Variants in SSR1 observed in about 807,000 individuals in gnomAD.
The protein encoded by SSR1 is translocon-associated protein subunit alpha.
In SSR1, 13 loss-of-function variants were observed where a neutral mutation model predicts 36.1. That is an observed-to-expected ratio of 0.36 (90% CI 0.23 to 0.57). SSR1 has a LOEUF of 0.57. SSR1 is among the 20% of genes least tolerant of loss of function. The pLI is 0.81. For synonymous variants in SSR1, 113 were observed against 118.9 expected (o/e 0.95, Z 0.32); for missense variants, 291 against 338.5 (o/e 0.86, Z 1.10).
chr6:7,284,008 T>A lies in SSR1; in HGVS notation c.*5856A>T, dbSNP rs927149557. 2 of 152,238 alleles carry A rather than the reference T, an allele frequency of 1.3e-5. No homozygotes were observed. Among genetic ancestry groups the A allele is most frequent in the African/African-American group, 4.8e-5 (2 of 41,468 alleles). The allele number at this position is 152,238 out of a possible 1,614,324, so 9.4% of individuals were successfully genotyped here. A position where few individuals can be genotyped will look rare whatever the true frequency, so the allele number is the denominator to read the frequency against. The stretch of plus-strand genomic sequence containing the variant: ...AGGGCAGAGCAGATGCTTGATGTTC[T>A]CCATCTGAACACTACTCTTGACCAC... On this transcript the variant is annotated 3_prime_UTR_variant, in exon 8 of 8. Coordinates refer to ENST00000244763, the MANE Select transcript of SSR1 (RefSeq NM_003144.5).
In SSR1 at chr6:7,287,049, G is replaced by C. The variant is rs1407955077; in HGVS notation, c.*2815C>G. The C allele has an allele frequency of 6.6e-6, 1 of 152,010 alleles. No homozygotes were observed. Among genetic ancestry groups the C allele is most frequent in the Non-Finnish European group, 1.5e-5 (1 of 68,008 alleles). 9.4% of individuals were successfully genotyped at this position (152,010 alleles called of 1,614,324 possible). A position where few individuals can be genotyped will look rare whatever the true frequency, so the allele number is the denominator to read the frequency against. On this transcript the variant is annotated 3_prime_UTR_variant, in exon 8 of 8. Transcript: ENST00000244763. ...GGCAAGAGATGGTATGTGTCACTGA[G>C]TTTTAAAAAATTATTTCAGTATTCA...
At chr6:7,301,192 G>C in intron 4 of SSR1, 118 bp downstream of exon 4, 1 of 1,234,338 alleles carries the variant, frequency 8.1e-7, no homozygotes, top group Non-Finnish European at 1.1e-6. Context: ...TTCCCTGGTG[G>C]CTATCACAGG....
Position 7,287,058 on chromosome 6 carries a change from A to C in SSR1, c.*2806T>G, listed in dbSNP as rs1274570967. 1.3e-5 allele frequency: 2 copies of C among 152,218 alleles called. No homozygotes were observed. Among genetic ancestry groups the C allele is most frequent in the African/African-American group, 4.8e-5 (2 of 41,446 alleles). The allele number at this position is 152,218 out of a possible 1,614,324, so 9.4% of individuals were successfully genotyped here. A position where few individuals can be genotyped will look rare whatever the true frequency, so the allele number is the denominator to read the frequency against. On this transcript the variant is annotated 3_prime_UTR_variant, in exon 8 of 8. Transcript: ENST00000244763. ...TGGTATGTGTCACTGAGTTTTAAAA[A>C]ATTATTTCAGTATTCAAATGCACAA...
intron 7 of SSR1, among the ~76,000 whole-genome samples, chr6:7,291,986 T>C (rs540548451): frequency 5.3e-5 from 8 of 152,284 alleles, no homozygotes; most frequent in South Asian, 2.1e-4. Flanking sequence ...GGTGGGCGGA[T>C]TGAGCCCAGG....
chr6:7,297,893 C>G, intron 6 of SSR1, 30 bp downstream of exon 6: 1 of 1,579,896 alleles, frequency 6.3e-7, no homozygotes, highest in Non-Finnish European at 8.7e-7. Flanking sequence ...TTTTGAAACA[C>G]GGCTGTAAGA....
At chr6:7,307,590 G>T (rs1409436493) in intron 2 of SSR1, among the ~76,000 whole-genome samples, 1 of 152,306 alleles carries the variant, frequency 6.6e-6, no homozygotes, top group South Asian at 2.1e-4. Flanking sequence ...CACCCAGGCT[G>T]GAGTGCAGTG....
intron 2 of SSR1, among the ~76,000 whole-genome samples, chr6:7,306,448 AT>A (rs1209972180): frequency 2.0e-5 from 3 of 151,950 alleles, no homozygotes; most frequent in Non-Finnish European, 2.9e-5. Flanking sequence ...TGGCTAAATA[AT>A]TTTTTTTAAG....
chr6:7,296,331 G>T (rs1757793493), intron 6 of SSR1, among the ~76,000 whole-genome samples: 1 of 152,112 alleles, frequency 6.6e-6, no homozygotes, highest in Non-Finnish European at 1.5e-5. Context: ...TTAAATAGAA[G>T]AAAAATGGAG....
At chr6:7,298,430 T>C (rs1267490392) in intron 5 of SSR1, among the ~76,000 whole-genome samples, 2 of 152,234 alleles carry the variant, frequency 1.3e-5, no homozygotes, top group Non-Finnish European at 2.9e-5. Context: ...TTTTCAATAG[T>C]AATTTCAGAG....
At chr6:7,302,570 T>C (rs1399941266) in intron 3 of SSR1, among the ~76,000 whole-genome samples, 1 of 152,128 alleles carries the variant, frequency 6.6e-6, no homozygotes, top group Non-Finnish European at 1.5e-5. Flanking sequence ...GAGACCATCC[T>C]GGCCAACATG....
chr6:7,297,804 A>G lies in SSR1; in HGVS notation c.699+119T>C, dbSNP rs1243727135. ...TTCAGGTTTTATTTTAAAAAGGTAC[A>G]ACAAAGTTCTACGTATACAAACCCA... is the stretch of plus-strand genomic sequence containing the variant. On this transcript the variant is annotated intron_variant, in intron 6 of 7. Coordinates refer to ENST00000244763, the MANE Select transcript of SSR1 (RefSeq NM_003144.5). 5 of 658,044 alleles carry G rather than the reference A, an allele frequency of 7.6e-6. No homozygotes were observed. The African/African-American group carries it at 9.2e-5, about 12-fold the overall frequency. 40.8% of individuals were successfully genotyped at this position (658,044 alleles called of 1,614,324 possible).
chr6:7,313,175 G>A lies in SSR1; in HGVS notation c.-55C>T. 1 of 1,498,002 alleles carries A rather than the reference G, an allele frequency of 6.7e-7. No individual in the cohort carries two copies. The highest frequency in any genetic ancestry group is 9.0e-7 in the Non-Finnish European group (1 of 1,105,278). 92.8% of individuals were successfully genotyped at this position (1,498,002 alleles called of 1,614,324 possible). Reference sequence around the variant, plus strand: ...TCGGCTAAGGCTCTCGGCGGCTCCGGCGGTAATGGCGTTACTCTTCATCCG... The same window carrying A: ...TCGGCTAAGGCTCTCGGCGGCTCCGACGGTAATGGCGTTACTCTTCATCCG... On this transcript the variant is annotated 5_prime_UTR_variant, in exon 1 of 8. Transcript: ENST00000244763.
At chr6:7,291,273 C>T (rs1396019729) in intron 7 of SSR1, among the ~76,000 whole-genome samples, 1 of 152,012 alleles carries the variant, frequency 6.6e-6, no homozygotes, top group Non-Finnish European at 1.5e-5. Flanking sequence ...CAGTACACGC[C>T]TGTGATCTCA....
rs1206109145 is a variant in SSR1, at chr6:7,284,096, T to G, written c.*5768A>C. 3 of 152,242 alleles carry G rather than the reference T, an allele frequency of 2.0e-5. No individual in the cohort carries two copies. Among genetic ancestry groups the G allele is most frequent in the Non-Finnish European group, 4.4e-5 (3 of 68,042 alleles). The allele number at this position is 152,242 out of a possible 1,614,324, so 9.4% of individuals were successfully genotyped here. A position where few individuals can be genotyped will look rare whatever the true frequency, so the allele number is the denominator to read the frequency against. On this transcript the variant is annotated 3_prime_UTR_variant, in exon 8 of 8. Transcript: ENST00000244763. ...CTTAAGCGCCTATTTCTATAAATGT[T>G]GGGTGATCAGACCAATATGGTTTCT...
chr6:7,289,245 CAG>C lies in SSR1; in HGVS notation c.*617_*618del, dbSNP rs767192287. The C allele has an allele frequency of 6.6e-6, 1 of 152,174 alleles. No homozygotes were observed. The highest frequency in any genetic ancestry group is 2.1e-4 in the South Asian group (1 of 4,832). 9.4% of individuals were successfully genotyped at this position (152,174 alleles called of 1,614,324 possible). ...AATTTCATGTTTCACAATTTGTTGCCAGAGAGATCCCCAAATTCCTTGAAGCC... is the reference window on the plus strand; with the variant it reads ...AATTTCATGTTTCACAATTTGTTGCCAGAGATCCCCAAATTCCTTGAAGCC... On this transcript the variant is annotated 3_prime_UTR_variant, in exon 8 of 8. Coordinates refer to ENST00000244763, the MANE Select transcript of SSR1 (RefSeq NM_003144.5).
At chr6:7,312,915 G>A (rs1485385544) in intron 1 of SSR1, 127 bp downstream of exon 1, 5 of 926,712 alleles carry the variant, frequency 5.4e-6, no homozygotes, top group Non-Finnish European at 1.7e-6. Flanking sequence ...TGGGGAGAGG[G>A]CGGAGAGAGG....
intron 2 of SSR1, among the ~76,000 whole-genome samples, chr6:7,303,849 T>C (rs1757992142): frequency 2.0e-5 from 3 of 152,068 alleles, no homozygotes; most frequent in Non-Finnish European, 2.9e-5. Flanking sequence ...TAGCCAGGTG[T>C]GGTGGCACAT....
intron 3 of SSR1, among the ~76,000 whole-genome samples, chr6:7,302,655 A>G (rs1456531861): frequency 3.9e-5 from 6 of 151,972 alleles, no homozygotes; most frequent in Non-Finnish European, 8.8e-5. Context: ...TTGGCTACTC[A>G]GGAGGCTGAG....
intron 1 of SSR1, 150 bp from the exon 2 acceptor site, chr6:7,310,179 A>G (rs1045908931): frequency 5.0e-6 from 3 of 600,010 alleles, no homozygotes; most frequent in Non-Finnish European, 8.8e-6. Context: ...GCACCGAAGA[A>G]TATTTATATT....
Sources: gnomAD v4.1 joint callset for allele counts (sites outside exome capture counted in the v4.1 genomes callset) on GRCh38, gnomAD v4.1.1 for gene constraint, MANE v1.5 for transcripts, NCBI Gene and HGNC (gene_info 2026-07-23, HGNC 2026-07-21) for gene names.